Variants in INSR observed in about 807,000 individuals in gnomAD.
INSR encodes the protein insulin receptor.
Under a neutral mutation model 142.6 loss-of-function variants are expected in INSR, and 67 were observed. The ratio of observed to expected loss-of-function variants is 0.47; its 90% CI spans 0.39 to 0.58. The LOEUF (loss-of-function observed/expected upper bound fraction) is 0.58, where lower values mean the gene tolerates loss of function less well. Ranked by LOEUF, INSR falls within the 20% of genes least tolerant of loss-of-function variation. INSR has a pLI of 0.00. For synonymous variants in INSR, 756 were observed against 743.1 expected (o/e 1.02, Z -0.28); for missense variants, 1,248 against 1,833.2 (o/e 0.68, Z 5.83).
intron 16 of INSR, among the ~76,000 whole-genome samples, chr19:7,126,049 T>G (rs1167661897): frequency 2.6e-5 from 4 of 152,164 alleles, no homozygotes; most frequent in Non-Finnish European, 5.9e-5. Context: ...TGGAATGGAC[T>G]GTTGCCCTGG....
At chr19:7,188,919 CCCTT>C (rs1291612910) in intron 2 of INSR, among the ~76,000 whole-genome samples, 1 of 150,832 alleles carries the variant, frequency 6.6e-6, no homozygotes, top group Non-Finnish European at 1.5e-5. Context: ...TAATAAGAGT[CCCTT>C]CCTTCCTTCT....
At chr19:7,174,783 G>A (rs377102641) in intron 3 of INSR, 52 bp from the exon 4 acceptor site, 10 of 1,562,902 alleles carry the variant, frequency 6.4e-6, no homozygotes, top group African/African-American at 2.7e-5. Flanking sequence ...GGGGTGTCAC[G>A]GTATCCAAGG....
intron 2 of INSR, among the ~76,000 whole-genome samples, chr19:7,257,650 G>A (rs1976937175): frequency 6.7e-6 from 1 of 149,464 alleles, no homozygotes; most frequent in African/African-American, 2.5e-5. Context: ...TTGAGACAGA[G>A]TCTCAAAAAG....
At chr19:7,156,792 T>G (rs1973605204) in intron 9 of INSR, among the ~76,000 whole-genome samples, 2 of 139,018 alleles carry the variant, frequency 1.4e-5, no homozygotes, top group South Asian at 4.9e-4. Context: ...CTTTTTTTTT[T>G]TTTTTTTTTT....
chr19:7,114,074 C>T lies in INSR; in HGVS notation c.*2982G>A, dbSNP rs1972265751. 1.5e-5 allele frequency: 2 copies of T among 131,590 alleles called. No individual in the cohort carries two copies. Among genetic ancestry groups the T allele is most frequent in the Non-Finnish European group, 3.2e-5 (2 of 62,860 alleles). 8.2% of individuals were successfully genotyped at this position (131,590 alleles called of 1,614,324 possible). On this transcript the variant is annotated 3_prime_UTR_variant, in exon 22 of 22. Transcript: ENST00000302850. ...AAAAAAAAAAAAAAAAAAAAAAAAG[C>T]GTTCAGCACATTAATGGGTTTTGGA...
intron 2 of INSR, among the ~76,000 whole-genome samples, chr19:7,191,323 AAAAGAAAG>A (rs746227949): frequency 1.1e-4 from 3 of 27,494 alleles, no homozygotes; most frequent in East Asian, 9.9e-4. Context: ...GAAAGAAAGA[AAAAGAAAG>A]AAAGAAAGAA....
chr19:7,174,551 G>A (rs759940742), intron 4 of INSR, 32 bp downstream of exon 4: 2 of 1,613,320 alleles, frequency 1.2e-6, no homozygotes, highest in South Asian at 2.2e-5. Context: ...GAGCCCAACA[G>A]GCACCCCCGA....
At chr19:7,254,519 A>G (rs1446080406) in intron 2 of INSR, among the ~76,000 whole-genome samples, 3 of 152,114 alleles carry the variant, frequency 2.0e-5, no homozygotes, top group Non-Finnish European at 4.4e-5. Flanking sequence ...ACAGAGCAAG[A>G]CCCCATCTCA....
At chr19:7,153,501 C>CCACAT (rs1214891312) in intron 9 of INSR, among the ~76,000 whole-genome samples, 1 of 92,870 alleles carries the variant, frequency 1.1e-5, no homozygotes, top group African/African-American at 3.4e-5. Context: ...CACACACACA[C>CCACAT]AGTGAAGGGG....
intron 5 of INSR, 75 bp downstream of exon 5, chr19:7,172,215 A>G: frequency 6.3e-7 from 1 of 1,578,728 alleles, no homozygotes; most frequent in Non-Finnish European, 8.7e-7. Context: ...CCTGGCCAAA[A>G]AAATCCTTAA....
At position 7,275,953 on chromosome 19, in the gene INSR, A is replaced by G. The variant is rs145040610; in HGVS notation, c.101-8057T>C. ...CTGAATCTGAGAATTTTCCAGAAGG[A>G]GAGAAGGCGGACATGAGAGCCATCT... On this transcript the variant is annotated intron_variant, in intron 1 of 21. Transcript: ENST00000302850. Among the ~76,000 whole-genome samples, 3 of 152,214 alleles carry G rather than the reference A, an allele frequency of 2.0e-5. No homozygotes were observed. The East Asian group carries it at 5.8e-4, about 29-fold the overall frequency.
chr19:7,138,125 G>C (rs147598229), intron 13 of INSR, among the ~76,000 whole-genome samples: 1 of 151,084 alleles, frequency 6.6e-6, no homozygotes. Flanking sequence ...CACCATGCCC[G>C]GCTAATTTTT....
chr19:7,202,996 GT>G (rs371572449), intron 2 of INSR, among the ~76,000 whole-genome samples: 8,701 of 67,648 alleles, frequency 0.13, 846 homozygotes, highest in African/African-American at 0.3. Context: ...GGGTTTTGTT[GT>G]TTTTTTTTTT....
chr19:7,229,264 T>A (rs1600063123), intron 2 of INSR, among the ~76,000 whole-genome samples: 2 of 133,002 alleles, frequency 1.5e-5, no homozygotes, highest in East Asian at 4.6e-4. Flanking sequence ...GATAGATGGA[T>A]GGATGGATGG....
At chr19:7,222,219 C>T (rs1403904936) in intron 2 of INSR, among the ~76,000 whole-genome samples, 2 of 151,810 alleles carry the variant, frequency 1.3e-5, no homozygotes, top group African/African-American at 2.4e-5. Context: ...TCTTCCCCAA[C>T]ATCTATCTAG....
chr19:7,265,722 T>G (rs1967703846), intron 2 of INSR, among the ~76,000 whole-genome samples: 1 of 128,490 alleles, frequency 7.8e-6, no homozygotes, highest in East Asian at 2.1e-4. Context: ...ACAACAAGAG[T>G]GAAACTCCAT....
rs1972434998 is a variant in INSR at position 7,119,743 on chromosome 19, T to G, written c.3660-160A>C. ...ATGCAAACACACACGCACATACACG[T>G]GCACACACATGCAAATACACACAAA... On this transcript the variant is annotated intron_variant, in intron 20 of 21. Transcript: ENST00000302850. This position sits in a 1 kb window ranked among gnomAD's most constrained non-coding sequence, Gnocchi z 5.2. Among the ~76,000 whole-genome samples, 1 of 148,074 alleles carries G rather than the reference T, an allele frequency of 6.8e-6. No homozygotes were observed. The highest frequency in any genetic ancestry group is 2.5e-5 in the African/African-American group (1 of 39,668).
Position 7,116,982 on chromosome 19 carries a change from G to T in INSR, c.*74C>A. On this transcript the variant is annotated 3_prime_UTR_variant, in exon 22 of 22. Coordinates refer to ENST00000302850, the MANE Select transcript of INSR (RefSeq NM_000208.4). ...CATGGTAGAGTCGTGAGAATCCTGA[G>T]TTTTCCAGAGGCTTTCAAACCAGAG... The T allele has an allele frequency of 1.7e-6, 2 of 1,150,376 alleles. No individual in the cohort carries two copies. Among genetic ancestry groups the T allele is most frequent in the Non-Finnish European group, 2.6e-6 (2 of 756,938 alleles). 71.3% of individuals were successfully genotyped at this position (1,150,376 alleles called of 1,614,324 possible).
At chr19:7,122,470 CA>C (rs746012777) in intron 19 of INSR, 143 bp downstream of exon 19, 53 of 901,354 alleles carry the variant, frequency 5.9e-5, no homozygotes, top group Non-Finnish European at 7.7e-5. Context: ...CAAAACAAAA[CA>C]AAAAAAACCC....
Sources: allele counts gnomAD v4.1 joint callset (sites outside exome capture counted in the v4.1 genomes callset), GRCh38; gene constraint gnomAD v4.1.1; non-coding constraint Gnocchi (gnomAD v3.1); transcripts MANE v1.5; gene names NCBI Gene and HGNC (gene_info 2026-07-23, HGNC 2026-07-21).